Variants in XIRP2 observed in about 807,000 individuals in gnomAD.
XIRP2 encodes the protein xin actin-binding repeat-containing protein 2.
XIRP2 carries 236 observed loss-of-function variants against 277.0 expected under a neutral mutation model. The ratio of observed to expected loss-of-function variants is 0.85; its 90% CI spans 0.77 to 0.95. The LOEUF is 0.95. Among genes scored for constraint, XIRP2 ranks in the 40% least tolerant of loss-of-function variants. XIRP2 has a pLI of 0.00. For missense variants in XIRP2, 4,640 were observed against 4,157.5 expected (o/e 1.12, Z -3.19); for synonymous variants, 1,490 against 1,416.5 (o/e 1.05, Z -1.17).
chr2:166,951,978 G>A (rs949478387), intron 2 of XIRP2, among the ~76,000 whole-genome samples: 1 of 152,022 alleles, frequency 6.6e-6, no homozygotes, highest in African/African-American at 2.4e-5. Context: ...GTGGCTTTGT[G>A]TAGGCCATTT....
intron 2 of XIRP2, among the ~76,000 whole-genome samples, chr2:167,058,939 G>T (rs1339071251): frequency 6.6e-6 from 1 of 151,920 alleles, no homozygotes; most frequent in East Asian, 1.9e-4. Flanking sequence ...CTTATGTTTG[G>T]CTGAGCTTAC....
intron 2 of XIRP2, among the ~76,000 whole-genome samples, chr2:167,109,677 G>A (rs75132837): frequency 0.082 from 12,471 of 152,190 alleles, 553 homozygotes; most frequent in South Asian, 0.16. Flanking sequence ...ACATATATAT[G>A]CATGTGTCTT....
chr2:167,179,179 G>C (rs1164788604), intron 3 of XIRP2, among the ~76,000 whole-genome samples: 6 of 151,974 alleles, frequency 3.9e-5, no homozygotes, highest in African/African-American at 1.2e-4. Flanking sequence ...TACAATATTT[G>C]TTTGGTTTTA....
chr2:167,221,906 A>T (rs1317934397), intron 5 of XIRP2, among the ~76,000 whole-genome samples: 3 of 152,222 alleles, frequency 2.0e-5, no homozygotes, highest in African/African-American at 7.2e-5. Context: ...TTCTGACAAT[A>T]TTTAATGCCA....
At chr2:167,180,109 T>C (rs1692973203) in intron 3 of XIRP2, among the ~76,000 whole-genome samples, 1 of 152,218 alleles carries the variant, frequency 6.6e-6, no homozygotes, top group African/African-American at 2.4e-5. Flanking sequence ...ATAGTGCGTA[T>C]CTTACTGAAG....
chr2:166,956,663 A>T (rs62196032), intron 2 of XIRP2, among the ~76,000 whole-genome samples: 1,521 of 151,930 alleles, frequency 0.01, 9 homozygotes, highest in Non-Finnish European at 0.017. Flanking sequence ...TAATCATCTT[A>T]ACCACGTAGC....
At chr2:167,081,019 AT>A (rs1689713109) in intron 2 of XIRP2, among the ~76,000 whole-genome samples, 1 of 152,176 alleles carries the variant, frequency 6.6e-6, no homozygotes, top group Non-Finnish European at 1.5e-5. Flanking sequence ...TAAAGAAATA[AT>A]GTAAGATTTG....
Position 167,249,250 on chromosome 2 carries a change from A to G in XIRP2, c.7858A>G (p.Ile2620Val), listed in dbSNP as rs1695389171. The stretch of plus-strand genomic sequence containing the variant: ...CCCAGGCTCTCAAAGTAATGCTCGG[A>G]TACTAGGAGTGTGTTCTGATAACCA... Reference protein sequence around the residue: ...PSPGSQSNARILGVCSDNQLS... With the variant: ...PSPGSQSNARVLGVCSDNQLS... Residue 2620 changes from isoleucine to valine, a missense_variant, in exon 9 of 11, where the codon ATA becomes GTA. Physicochemically the swap from Ile to Val is conservative, Grantham distance 29. Coordinates refer to ENST00000409195, the MANE Select transcript of XIRP2 (RefSeq NM_152381.6). 1.9e-6 allele frequency: 3 copies of G among 1,613,704 alleles called. No individual in the cohort carries two copies. The highest frequency in any genetic ancestry group is 3.3e-5 in the Admixed American group (2 of 59,966).
At chr2:167,083,066 T>C (rs1689794046) in intron 2 of XIRP2, among the ~76,000 whole-genome samples, 1 of 152,238 alleles carries the variant, frequency 6.6e-6, no homozygotes, top group Non-Finnish European at 1.5e-5. Context: ...CTAGGGTTTT[T>C]TATGGTTTTA....
At chr2:167,222,253 T>C (rs1411337271) in intron 5 of XIRP2, among the ~76,000 whole-genome samples, 1 of 152,208 alleles carries the variant, frequency 6.6e-6, no homozygotes, top group Non-Finnish European at 1.5e-5. Flanking sequence ...GCCATGCTTT[T>C]ATAGTTCTGC....
In XIRP2 at chr2:167,159,144, C is replaced by CG. The variant is rs1491207758; in HGVS notation, c.562+23087dup. Reference sequence around the variant, plus strand: ...ACTGAGAATCTCTTCCTTGGTATACCGGGGGAGGAACCATGGAGAGATTCC... The same window carrying CG: ...ACTGAGAATCTCTTCCTTGGTATACCGGGGGGAGGAACCATGGAGAGATTCC... On this transcript the variant is annotated intron_variant, in intron 3 of 10. Coordinates refer to ENST00000409195, the MANE Select transcript of XIRP2 (RefSeq NM_152381.6). Among the ~76,000 whole-genome samples the CG allele has an allele frequency of 2.6e-5, 4 of 152,164 alleles. No homozygotes were observed. In the East Asian group the frequency reaches 7.8e-4, roughly 30 times the overall value.
intron 2 of XIRP2, among the ~76,000 whole-genome samples, chr2:167,003,821 A>G (rs575236494): frequency 2.4e-4 from 37 of 152,048 alleles, no homozygotes; most frequent in African/African-American, 8.4e-4. Context: ...TGAAAATACA[A>G]GAATCTACTT....
intron 2 of XIRP2, among the ~76,000 whole-genome samples, chr2:167,019,181 G>T (rs991638468): frequency 6.6e-6 from 1 of 151,924 alleles, no homozygotes; most frequent in Non-Finnish European, 1.5e-5. Context: ...GTGACTGTTA[G>T]GAGATTTAAG....
chr2:167,099,554 G>T (rs1009256095), intron 2 of XIRP2, among the ~76,000 whole-genome samples: 7 of 135,294 alleles, frequency 5.2e-5, no homozygotes, highest in Non-Finnish European at 9.0e-5. Context: ...CACCACTGGG[G>T]TATGAAAAAA....
At chr2:166,943,359 C>A (rs1021318977) in intron 2 of XIRP2, among the ~76,000 whole-genome samples, 2 of 152,146 alleles carry the variant, frequency 1.3e-5, no homozygotes, top group African/African-American at 4.8e-5. Context: ...TGGGGACTAT[C>A]ATGAAATGGC....
chr2:167,077,183 T>A (rs1490528009), intron 2 of XIRP2, among the ~76,000 whole-genome samples: 1 of 152,030 alleles, frequency 6.6e-6, no homozygotes, highest in Admixed American at 6.6e-5. Flanking sequence ...CTTTCATAGA[T>A]TATTTGGGGA....
At chr2:167,215,604 T>G (rs1694222987) in intron 4 of XIRP2, among the ~76,000 whole-genome samples, 2 of 152,156 alleles carry the variant, frequency 1.3e-5, no homozygotes, top group South Asian at 4.1e-4. Flanking sequence ...ACCTCTCAGC[T>G]CCTGGGTCCC....
intron 2 of XIRP2, among the ~76,000 whole-genome samples, chr2:167,119,329 A>T (rs1035705092): frequency 3.2e-4 from 49 of 152,162 alleles, no homozygotes; most frequent in Non-Finnish European, 1.0e-4. Flanking sequence ...TTGAAATATA[A>T]TTTTTTAAAG....
chr2:167,230,002 C>T (rs1279380596), intron 5 of XIRP2, among the ~76,000 whole-genome samples: 2 of 152,022 alleles, frequency 1.3e-5, no homozygotes, highest in Non-Finnish European at 2.9e-5. Flanking sequence ...GTGGAGGCCA[C>T]TTAGTTTCTC....
Sources: allele counts gnomAD v4.1 joint callset (sites outside exome capture counted in the v4.1 genomes callset), GRCh38; gene constraint gnomAD v4.1.1; transcripts MANE v1.5; gene names NCBI Gene and HGNC (gene_info 2026-07-23, HGNC 2026-07-21).